The following RBFOX3 variants were observed in gnomAD, a reference collection of about 807,000 sequenced individuals.
RBFOX3 encodes RNA binding protein fox-1 homolog 3.
RBFOX3 carries 17 observed loss-of-function variants against 48.7 expected under a neutral mutation model. The ratio of observed to expected loss-of-function variants is 0.35; its 90% CI spans 0.24 to 0.52. The LOEUF (loss-of-function observed/expected upper bound fraction) is 0.52. Ranked by LOEUF, RBFOX3 falls within the 20% of genes least tolerant of loss-of-function variation. The probability of loss-of-function intolerance (pLI) is 0.94; values close to 1 mark genes in which losing one functional copy is unlikely to be tolerated. For synonymous variants in RBFOX3, 212 were observed against 209.5 expected (o/e 1.01, Z -0.10); for missense variants, 382 against 497.5 (o/e 0.77, Z 2.21).
At chr17:79,218,261 G>A (rs570791030) in intron 4 of RBFOX3, among the ~76,000 whole-genome samples, 5 of 152,110 alleles carry the variant, frequency 3.3e-5, no homozygotes, top group South Asian at 4.2e-4. Flanking sequence ...TTTGGGTGCC[G>A]TCTCCCACAC....
At chr17:79,490,788 A>ATCT (rs1426148236) in intron 1 of RBFOX3, among the ~76,000 whole-genome samples, 1 of 151,412 alleles carries the variant, frequency 6.6e-6, no homozygotes, top group Non-Finnish European at 1.5e-5. Context: ...GGGCTCCTAC[A>ATCT]AGATGGCAAG....
intron 2 of RBFOX3, among the ~76,000 whole-genome samples, chr17:79,344,357 C>G (rs1025105000): frequency 3.3e-5 from 5 of 152,084 alleles, no homozygotes; most frequent in African/African-American, 1.2e-4. Context: ...AAGGCTCTAC[C>G]ATTCCCGAGA....
intron 4 of RBFOX3, among the ~76,000 whole-genome samples, chr17:79,189,447 C>T (rs1021596405): frequency 6.6e-6 from 1 of 152,226 alleles, no homozygotes; most frequent in African/African-American, 2.4e-5. Flanking sequence ...GGCTCTCTCT[C>T]CTAACAGGAT....
intron 2 of RBFOX3, among the ~76,000 whole-genome samples, chr17:79,316,685 G>A (rs1260795833): frequency 6.6e-6 from 1 of 152,210 alleles, no homozygotes; most frequent in Non-Finnish European, 1.5e-5. Flanking sequence ...AGCCGAAATA[G>A]CAAACCTCAT....
intron 4 of RBFOX3, among the ~76,000 whole-genome samples, chr17:79,180,089 A>G (rs2051543014): frequency 6.6e-6 from 1 of 152,182 alleles, no homozygotes; most frequent in African/African-American, 2.4e-5. Flanking sequence ...ATGATCCGAA[A>G]TCATCCCGGG....
Position 79,131,437 on chromosome 17 carries a change from G to A in RBFOX3, c.-33-15689C>T, listed in dbSNP as rs140815926. On this transcript the variant is annotated intron_variant, in intron 4 of 14. Transcript: ENST00000693108. Reference sequence around the variant, plus strand: ...AGCACCTCCACCCACAGACGCGGCTGCAAACCCCACGGCGTGAGCCCACCT... The same window carrying A: ...AGCACCTCCACCCACAGACGCGGCTACAAACCCCACGGCGTGAGCCCACCT... Among the ~76,000 whole-genome samples the A allele has an allele frequency of 8.7e-3, 1,332 of 152,300 alleles. 22 individuals carry two copies. The highest frequency in any genetic ancestry group is 0.031 in the African/African-American group (1,275 of 41,558).
At chr17:79,216,626 T>G (rs1364473329) in intron 4 of RBFOX3, among the ~76,000 whole-genome samples, 1 of 152,144 alleles carries the variant, frequency 6.6e-6, no homozygotes, top group Non-Finnish European at 1.5e-5. Context: ...TGGGCTTCTC[T>G]GTGGCAGTGA....
intron 6 of RBFOX3, among the ~76,000 whole-genome samples, chr17:79,106,043 C>T (rs980268001): frequency 6.6e-6 from 1 of 152,228 alleles, no homozygotes; most frequent in East Asian, 1.9e-4. Context: ...CTGAAGCCTA[C>T]AGTGCAAAAC....
intron 1 of RBFOX3, among the ~76,000 whole-genome samples, chr17:79,483,719 C>T (rs2079117107): frequency 6.6e-6 from 1 of 151,846 alleles, no homozygotes; most frequent in African/African-American, 2.4e-5. Context: ...GCTGAATCCC[C>T]AGTGCCCAGG....
intron 4 of RBFOX3, among the ~76,000 whole-genome samples, chr17:79,180,016 C>T (rs1429082876): frequency 1.3e-5 from 2 of 152,208 alleles, no homozygotes; most frequent in Non-Finnish European, 2.9e-5. Context: ...CCCAGGGTCA[C>T]CCCTCATGAG....
chr17:79,231,027 A>G (rs1394326679), intron 4 of RBFOX3, among the ~76,000 whole-genome samples: 1 of 152,012 alleles, frequency 6.6e-6, no homozygotes, highest in African/African-American at 2.4e-5. Flanking sequence ...TGCTGGTCAT[A>G]GAGGAGCTGC....
At chr17:79,263,385 G>A (rs957174219) in intron 3 of RBFOX3, among the ~76,000 whole-genome samples, 2 of 152,264 alleles carry the variant, frequency 1.3e-5, no homozygotes, top group African/African-American at 4.8e-5. Context: ...TGAAATTTAT[G>A]TGATTTGTTT....
Position 79,535,957 on chromosome 17 carries a change from C to T in RBFOX3, c.-319-53359G>A, listed in dbSNP as rs2088661056. Among the ~76,000 whole-genome samples the T allele has an allele frequency of 6.6e-6, 1 of 152,224 alleles. No homozygotes were observed. ...CAGGGTCATCTCCACAGGCCCCTCC[C>T]TCCCTCCACAGCTTCCTAAGCACTG... On this transcript the variant is annotated intron_variant, in intron 1 of 14. Transcript: ENST00000693108. The surrounding 1 kb of genome is among the most constrained non-coding windows in gnomAD (Gnocchi z 4.5).
chr17:79,173,080 C>T (rs2049713199), intron 4 of RBFOX3, among the ~76,000 whole-genome samples: 1 of 152,150 alleles, frequency 6.6e-6, no homozygotes, highest in Non-Finnish European at 1.5e-5. Flanking sequence ...TGTGGTGGCG[C>T]ACGCCTGTAA....
intron 1 of RBFOX3, among the ~76,000 whole-genome samples, chr17:79,530,137 C>G (rs1352963416): frequency 6.6e-6 from 1 of 152,166 alleles, no homozygotes; most frequent in Non-Finnish European, 1.5e-5. Flanking sequence ...GCACAGCCCA[C>G]AGAGAGGAGG....
At chr17:79,165,466 G>A (rs2047803310) in intron 4 of RBFOX3, among the ~76,000 whole-genome samples, 1 of 152,184 alleles carries the variant, frequency 6.6e-6, no homozygotes. Flanking sequence ...GGCACAGCGG[G>A]GTCCCATCCC....
In RBFOX3 at chr17:79,421,052, C is replaced by T. The variant is rs2066278157; in HGVS notation, c.-175+61402G>A. Among the ~76,000 whole-genome samples the T allele has an allele frequency of 6.6e-6, 1 of 151,944 alleles. No individual in the cohort carries two copies. On this transcript the variant is annotated intron_variant, in intron 2 of 14. Transcript: ENST00000693108. This position sits in a 1 kb window ranked among gnomAD's most constrained non-coding sequence, Gnocchi z 4.5. ...TTGAGGGGCTTCCCTACTGGGTGAG[C>T]CTCCCCAGGTGGGTCGAGGGCCTTC...
At chr17:79,376,446 G>A (rs2059235269) in intron 2 of RBFOX3, among the ~76,000 whole-genome samples, 1 of 152,210 alleles carries the variant, frequency 6.6e-6, no homozygotes, top group Non-Finnish European at 1.5e-5. Context: ...TGGGGAGACT[G>A]GAGCTGCCAA....
intron 3 of RBFOX3, among the ~76,000 whole-genome samples, chr17:79,289,407 G>A (rs555648621): frequency 8.4e-4 from 128 of 152,316 alleles, no homozygotes; most frequent in Non-Finnish European, 1.6e-3. Context: ...CGGCAGCCTC[G>A]CCAGCCATCA....
Sources: allele counts gnomAD v4.1 joint callset (sites outside exome capture counted in the v4.1 genomes callset), GRCh38; gene constraint gnomAD v4.1.1; non-coding constraint Gnocchi (gnomAD v3.1); transcripts MANE v1.5; gene names NCBI Gene and HGNC (gene_info 2026-07-23, HGNC 2026-07-21).